Variants in PRKAR1B observed in about 807,000 individuals in gnomAD.
PRKAR1B encodes protein kinase cAMP-dependent type I regulatory subunit beta.
In PRKAR1B, 22 loss-of-function variants were observed where a neutral mutation model predicts 46.5. The ratio of observed to expected loss-of-function variants is 0.47; its 90% CI spans 0.34 to 0.68. The LOEUF is 0.68. Among genes scored for constraint, PRKAR1B ranks in the 30% least tolerant of loss-of-function variants. PRKAR1B has a pLI of 0.01. For synonymous variants in PRKAR1B, 259 were observed against 217.7 expected, an observed-to-expected ratio of 1.19 and a Z score of -1.67; for missense variants, 445 against 535.6, an observed-to-expected ratio of 0.83 and a Z score of 1.67.
chr7:673,557 G>C (rs904289270), intron 4 of PRKAR1B, among the ~76,000 whole-genome samples: 2 of 151,446 alleles, frequency 1.3e-5, no homozygotes. Context: ...GCTGAGGCAG[G>C]AGAATGACGT....
intron 2 of PRKAR1B, among the ~76,000 whole-genome samples, chr7:709,980 C>T (rs577754143): frequency 6.6e-6 from 1 of 152,140 alleles, no homozygotes; most frequent in Non-Finnish European, 1.5e-5. Context: ...AGGGGGAATT[C>T]GGTGGAGAGG....
At chr7:709,125 A>C (rs1780483892) in intron 2 of PRKAR1B, among the ~76,000 whole-genome samples, 1 of 149,958 alleles carries the variant, frequency 6.7e-6, no homozygotes, top group Non-Finnish European at 1.5e-5. Context: ...AAAAAAAAAA[A>C]AAAAAAAAAA....
intron 2 of PRKAR1B, among the ~76,000 whole-genome samples, chr7:702,715 C>G (rs1275493315): frequency 6.6e-6 from 1 of 152,014 alleles, no homozygotes; most frequent in Non-Finnish European, 1.5e-5. Flanking sequence ...CCCAGCTACT[C>G]GGGAGGCTGA....
intron 4 of PRKAR1B, among the ~76,000 whole-genome samples, chr7:634,371 G>A (rs1313419568): frequency 6.6e-6 from 1 of 151,988 alleles, no homozygotes; most frequent in African/African-American, 2.4e-5. Flanking sequence ...TCAGCTACTC[G>A]GGAGGCTAAG....
rs1418188025 is a variant in PRKAR1B at position 551,890 on chromosome 7, A to G, written c.892-420T>C. Among the ~76,000 whole-genome samples, 66 of 67,524 alleles carry G rather than the reference A, an allele frequency of 9.8e-4. 1 individual carries two copies. Among genetic ancestry groups the G allele is most frequent in the South Asian group, 2.9e-3 (6 of 2,038 alleles). The allele number at this position is 67,524 out of a possible 152,430, so 44.3% of individuals were successfully genotyped here. ...CCACCCAAACCCCCACCTCCCGCCC[A>G]GGTCCTTCTCCAGAGCCACTGCCAC... is the stretch of plus-strand genomic sequence containing the variant. On this transcript the variant is annotated intron_variant, in intron 9 of 10. Coordinates refer to ENST00000537384, the MANE Select transcript of PRKAR1B (RefSeq NM_001164760.2).
chr7:636,060 A>T (rs540374213), intron 4 of PRKAR1B, among the ~76,000 whole-genome samples: 130 of 16,790 alleles, frequency 7.7e-3, no homozygotes, highest in East Asian at 9.8e-3. Context: ...GGCCGCGCCC[A>T]CACGTCCTCC....
intron 9 of PRKAR1B, chr7:578,902 G>C (rs1020744684): frequency 5.0e-6 from 3 of 597,480 alleles, no homozygotes; most frequent in Non-Finnish European, 7.0e-6. Context: ...GGCTGGTCTC[G>C]AACTCCTGAC....
rs545371331 is a variant in PRKAR1B at position 667,432 on chromosome 7, C to G, written c.440+9797G>C. Among the ~76,000 whole-genome samples the G allele has an allele frequency of 1.8e-4, 27 of 152,296 alleles. 1 individual carries two copies. The highest frequency in any genetic ancestry group is 6.5e-4 in the African/African-American group (27 of 41,564). ...AAACACACCTTAAATTCTGTGGTAT[C>G]TGAGTGAGATTGTGTGTGCATGACT... On this transcript the variant is annotated intron_variant, in intron 4 of 10. Coordinates refer to ENST00000537384, the MANE Select transcript of PRKAR1B (RefSeq NM_001164760.2). This position sits in a 1 kb window ranked among gnomAD's most constrained non-coding sequence, Gnocchi z 4.3.
At chr7:685,338 G>GTATATATACATATATATATACTA in intron 2 of PRKAR1B, among the ~76,000 whole-genome samples, 1 of 56,476 alleles carries the variant, frequency 1.8e-5, no homozygotes, top group South Asian at 8.2e-4. Context: ...GTATATATAC[G>GTATATATACATATATATATACTA]TATATATATG....
At chr7:695,481 G>A (rs925142490) in intron 2 of PRKAR1B, among the ~76,000 whole-genome samples, 1 of 152,156 alleles carries the variant, frequency 6.6e-6, no homozygotes, top group Admixed American at 6.5e-5. Context: ...CTTGTGAAGC[G>A]CCATCTGAAT....
chr7:694,888 T>A (rs1306225714), intron 2 of PRKAR1B, among the ~76,000 whole-genome samples: 1 of 151,722 alleles, frequency 6.6e-6, no homozygotes, highest in Non-Finnish European at 1.5e-5. Flanking sequence ...ATACAAAAAT[T>A]AGCCAGGCGT....
chr7:642,035 G>A (rs916215330), intron 4 of PRKAR1B, among the ~76,000 whole-genome samples: 1 of 151,992 alleles, frequency 6.6e-6, no homozygotes, highest in African/African-American at 2.4e-5. Flanking sequence ...TCCCCAAGTG[G>A]CTGGGACTCC....
In PRKAR1B at chr7:560,723, C is replaced by A. The variant is rs111502178; in HGVS notation, c.892-9253G>T. Among the ~76,000 whole-genome samples the A allele has an allele frequency of 6.6e-6, 1 of 152,364 alleles. No individual in the cohort carries two copies. Among genetic ancestry groups the A allele is most frequent in the African/African-American group, 2.4e-5 (1 of 41,584 alleles). ...CTGCCTCATCTGTTATATGGGACAA[C>A]GCCAACCAATGCTACAGAGCGGCGG... On this transcript the variant is annotated intron_variant, in intron 9 of 10. Coordinates refer to ENST00000537384, the MANE Select transcript of PRKAR1B (RefSeq NM_001164760.2). The surrounding 1 kb of genome is among the most constrained non-coding windows in gnomAD (Gnocchi z 4.2).
chr7:592,947 G>T (rs1781066816), intron 7 of PRKAR1B, among the ~76,000 whole-genome samples: 1 of 152,208 alleles, frequency 6.6e-6, no homozygotes, highest in Non-Finnish European at 1.5e-5. Flanking sequence ...GAGGAGGGAG[G>T]ATGGCTTGAG....
intron 4 of PRKAR1B, among the ~76,000 whole-genome samples, chr7:668,599 T>G (rs1786060335): frequency 1.3e-5 from 2 of 152,180 alleles, no homozygotes; most frequent in Non-Finnish European, 1.5e-5. Context: ...ACCATCTGCT[T>G]CCTCTGTTTC....
chr7:598,943 C>T (rs979757018), intron 6 of PRKAR1B, among the ~76,000 whole-genome samples: 3 of 152,248 alleles, frequency 2.0e-5, no homozygotes, highest in African/African-American at 7.2e-5. Flanking sequence ...GGGTGAGTCT[C>T]CACAGAGCCA....
chr7:662,384 T>A (rs568652523), intron 4 of PRKAR1B, among the ~76,000 whole-genome samples: 6 of 112,650 alleles, frequency 5.3e-5, no homozygotes, highest in Non-Finnish European at 8.9e-5. Flanking sequence ...AAATACCTAC[T>A]CTTCCCTCCA....
At chr7:617,196 T>C (rs1170646451) in intron 4 of PRKAR1B, among the ~76,000 whole-genome samples, 3 of 152,150 alleles carry the variant, frequency 2.0e-5, no homozygotes, top group Non-Finnish European at 2.9e-5. Context: ...GGTTTCACCA[T>C]GTTGGCCAGG....
chr7:697,482 G>A (rs989973819), intron 2 of PRKAR1B, among the ~76,000 whole-genome samples: 10 of 152,142 alleles, frequency 6.6e-5, no homozygotes, highest in Non-Finnish European at 1.5e-5. Flanking sequence ...AGGCTTCCAC[G>A]GGGTCATCCA....
Sources: gnomAD v4.1 joint callset for allele counts (sites outside exome capture counted in the v4.1 genomes callset) on GRCh38, gnomAD v4.1.1 for gene constraint, Gnocchi (gnomAD v3.1) non-coding constraint, MANE v1.5 for transcripts, NCBI Gene and HGNC (gene_info 2026-07-23, HGNC 2026-07-21) for gene names.